PDE3B: variants seen among roughly 807,000 people sequenced by gnomAD.
The protein encoded by PDE3B is phosphodiesterase 3B.
Under a neutral mutation model 116.8 loss-of-function variants are expected in PDE3B, and 66 were observed. The observed-to-expected ratio is 0.56, with a 90% CI of 0.46 to 0.69. PDE3B has a LOEUF of 0.69. Ranked by LOEUF, PDE3B falls within the 30% of genes least tolerant of loss-of-function variation. PDE3B has a pLI of 0.00. For synonymous variants in PDE3B, 595 were observed against 533.6 expected (o/e 1.12, Z -1.59); for missense variants, 1,384 against 1,368.1 (o/e 1.01, Z -0.18).
chr11:14,754,100 C>A (rs1292953998), intron 1 of PDE3B, among the ~76,000 whole-genome samples: 2 of 151,894 alleles, frequency 1.3e-5, no homozygotes, highest in African/African-American at 2.4e-5. Flanking sequence ...TGAGGCTTGA[C>A]CCAATTAGGT....
chr11:14,674,537 G>A lies in PDE3B; in HGVS notation c.978+29484G>A, dbSNP rs1193938714. The A allele has an allele frequency of 1.1e-5, 5 of 471,976 alleles. No homozygotes were observed. In the East Asian group the frequency reaches 2.6e-4, roughly 25 times the overall value. 29.2% of individuals were successfully genotyped at this position (471,976 alleles called of 1,614,324 possible). ...TCAACCTCCTGGAATTTAGGCTTTG[G>A]GTCCTGTTTTGAAGCCATTTATAAG... is the stretch of plus-strand genomic sequence containing the variant. On this transcript the variant is annotated intron_variant, in intron 1 of 15. Coordinates refer to ENST00000282096, the MANE Select transcript of PDE3B (RefSeq NM_000922.4).
the PDE3B span, among the ~76,000 whole-genome samples, chr11:14,897,548 G>C: frequency 6.6e-6 from 1 of 152,182 alleles, no homozygotes; most frequent in Non-Finnish European, 1.5e-5. Flanking sequence ...TCTGGGTACT[G>C]TATCTTGGGT....
intron 1 of PDE3B, among the ~76,000 whole-genome samples, chr11:14,658,743 G>C (rs1015386890): frequency 6.6e-6 from 1 of 152,088 alleles, no homozygotes; most frequent in Non-Finnish European, 1.5e-5. Flanking sequence ...TTGTTCATTT[G>C]TTTCTTTCTT....
At chr11:14,806,873 A>AG (rs1858948620) in intron 5 of PDE3B, among the ~76,000 whole-genome samples, 2 of 150,804 alleles carry the variant, frequency 1.3e-5, no homozygotes, top group South Asian at 4.2e-4. Flanking sequence ...AAAAAAAAAA[A>AG]AAAAAAAGAA....
chr11:14,672,697 C>G (rs150881755), intron 1 of PDE3B, among the ~76,000 whole-genome samples: 1 of 152,140 alleles, frequency 6.6e-6, no homozygotes, highest in African/African-American at 2.4e-5. Flanking sequence ...TCTGCACGGT[C>G]AAGCTAGGAC....
intron 12 of PDE3B, among the ~76,000 whole-genome samples, chr11:14,854,807 A>T (rs868958680): frequency 6.6e-6 from 1 of 152,142 alleles, no homozygotes; most frequent in South Asian, 2.1e-4. Flanking sequence ...GAGCCACCGC[A>T]CCCAGTTTAA....
chr11:14,691,719 G>A lies in PDE3B; in HGVS notation c.978+46666G>A, dbSNP rs764280841. ...AGAATATAAGCAAATAAGCATGTAC[G>A]TATATATTGTCAGATAGTAATGTGT... is the stretch of plus-strand genomic sequence containing the variant. On this transcript the variant is annotated intron_variant, in intron 1 of 15. Coordinates refer to ENST00000282096, the MANE Select transcript of PDE3B (RefSeq NM_000922.4). Among the ~76,000 whole-genome samples the A allele has an allele frequency of 1.1e-3, 169 of 152,176 alleles. 1 individual carries two copies. The highest frequency in any genetic ancestry group is 2.0e-3 in the Non-Finnish European group (137 of 68,022).
intron 1 of PDE3B, chr11:14,674,336 A>G (rs1854465329): frequency 2.3e-6 from 2 of 870,514 alleles, no homozygotes; most frequent in African/African-American, 3.3e-5. Context: ...TGAAGTTCTT[A>G]TTCTTTCTGC....
chr11:14,797,350 A>C (rs1858589186), intron 4 of PDE3B, among the ~76,000 whole-genome samples: 1 of 152,162 alleles, frequency 6.6e-6, no homozygotes. Flanking sequence ...GTATAGTTTG[A>C]AGTCAGGTAG....
At chr11:14,770,547 A>G (rs1857610963) in intron 1 of PDE3B, among the ~76,000 whole-genome samples, 1 of 151,580 alleles carries the variant, frequency 6.6e-6, no homozygotes, top group Non-Finnish European at 1.5e-5. Context: ...TCTTGAATCT[A>G]GATTATATGC....
chr11:14,662,460 ATGACTT>A (rs1393863991), intron 1 of PDE3B, among the ~76,000 whole-genome samples: 3 of 152,294 alleles, frequency 2.0e-5, no homozygotes, highest in African/African-American at 7.2e-5. Context: ...TGGACGGAGA[ATGACTT>A]TGACGAGTTG....
intron 2 of PDE3B, among the ~76,000 whole-genome samples, chr11:14,782,983 A>T (rs998468872): frequency 6.6e-6 from 1 of 152,262 alleles, no homozygotes; most frequent in South Asian, 2.1e-4. Flanking sequence ...GAAAGAAGAC[A>T]TTTATGCAGC....
chr11:14,725,082 A>G (rs941717322), intron 1 of PDE3B, among the ~76,000 whole-genome samples: 1 of 152,198 alleles, frequency 6.6e-6, no homozygotes, highest in African/African-American at 2.4e-5. Context: ...AGACTAGAAG[A>G]GGAACAAGGC....
At chr11:14,819,250 A>T (rs745819020) in intron 7 of PDE3B, 41 bp downstream of exon 7, 4 of 1,170,980 alleles carry the variant, frequency 3.4e-6, no homozygotes, top group African/African-American at 3.0e-5. Flanking sequence ...TTTAAGAGAA[A>T]TTTCTTACAA....
chr11:14,686,446 A>C (rs1854876201), intron 1 of PDE3B, among the ~76,000 whole-genome samples: 1 of 152,198 alleles, frequency 6.6e-6, no homozygotes, highest in Non-Finnish European at 1.5e-5. Flanking sequence ...GCCTTGAATT[A>C]ATTTGAGACT....
intron 1 of PDE3B, among the ~76,000 whole-genome samples, chr11:14,655,319 CTA>C (rs898573217): frequency 1.3e-5 from 2 of 152,120 alleles, no homozygotes; most frequent in Non-Finnish European, 1.5e-5. Flanking sequence ...ACATAAATGT[CTA>C]TGTCTATATA....
intron 4 of PDE3B, among the ~76,000 whole-genome samples, chr11:14,800,473 A>T (rs946031522): frequency 6.6e-6 from 1 of 152,134 alleles, no homozygotes; most frequent in African/African-American, 2.4e-5. Context: ...TCAAAAAAGA[A>T]TACTGGCCCT....
chr11:14,679,389 C>T (rs1854629710), intron 1 of PDE3B, among the ~76,000 whole-genome samples: 1 of 152,148 alleles, frequency 6.6e-6, no homozygotes, highest in Non-Finnish European at 1.5e-5. Flanking sequence ...CAATAAATCT[C>T]CACCTTTGTT....
At chr11:14,797,151 T>G (rs925531688) in intron 4 of PDE3B, among the ~76,000 whole-genome samples, 3 of 152,218 alleles carry the variant, frequency 2.0e-5, no homozygotes, top group African/African-American at 7.2e-5. Context: ...TGTGTCAGGT[T>G]TGTCAAAGAT....
Sources: gnomAD v4.1 joint callset for allele counts (sites outside exome capture counted in the v4.1 genomes callset) on GRCh38, gnomAD v4.1.1 for gene constraint, MANE v1.5 for transcripts, NCBI Gene and HGNC (gene_info 2026-07-23, HGNC 2026-07-21) for gene names.